The following XRCC5 variants were observed in gnomAD, a reference collection of about 807,000 sequenced individuals.
XRCC5 encodes the protein X-ray repair cross complementing 5.
Under a neutral mutation model 95.7 loss-of-function variants are expected in XRCC5, and 12 were observed. That is an observed-to-expected ratio of 0.13 (90% CI 0.08 to 0.20). The LOEUF is 0.20. XRCC5 is among the 10% of genes least tolerant of loss of function. The pLI is 1.00. For missense variants in XRCC5, 595 were observed against 873.9 expected (o/e 0.68, Z 4.02); for synonymous variants, 281 against 290.3 (o/e 0.97, Z 0.33).
At position 216,127,547 on chromosome 2, in the gene XRCC5, G is replaced by C. The variant is rs750449464; in HGVS notation, c.810G>C (p.Glu270Asp). Residue 270 changes from glutamate to aspartate, a missense_variant, in exon 8 of 21, where the codon GAG (glutamate) becomes GAC (aspartate). Coordinates refer to ENST00000392132, the MANE Select transcript of XRCC5 (RefSeq NM_021141.4). ...RIAAYKSILQ[E>D]RVKKTWTVVD... ...TTTTGGAATGTAAGATTCTACAGGA[G>C]AGAGTTAAAAAGACTTGGACAGTTG... 1 of 1,598,984 alleles carries C rather than the reference G, an allele frequency of 6.3e-7. No homozygotes were observed. The highest frequency in any genetic ancestry group is 1.8e-5 in the Admixed American group (1 of 55,346).
intron 6 of XRCC5, among the ~76,000 whole-genome samples, chr2:216,123,554 C>G (rs1371963377): frequency 6.6e-6 from 1 of 152,164 alleles, no homozygotes; most frequent in African/African-American, 2.4e-5. Flanking sequence ...GCTTGTAATT[C>G]CAGCACTTTG....
intron 16 of XRCC5, among the ~76,000 whole-genome samples, chr2:216,177,496 G>A (rs1233488792): frequency 6.6e-6 from 1 of 152,208 alleles, no homozygotes; most frequent in East Asian, 1.9e-4. Flanking sequence ...CTGCAAGACT[G>A]TATGTGTTTC....
chr2:216,165,093 G>A (rs1188641518), intron 16 of XRCC5, among the ~76,000 whole-genome samples: 1 of 152,198 alleles, frequency 6.6e-6, no homozygotes, highest in Admixed American at 6.5e-5. Flanking sequence ...TGGAGGAGAT[G>A]CATTTTCCCA....
chr2:216,109,480 G>A (rs529163564), intron 1 of XRCC5, 23 bp downstream of exon 1: 1 of 1,613,628 alleles, frequency 6.2e-7, no homozygotes, highest in African/African-American at 1.3e-5. Context: ...CCATGGACTT[G>A]GGCTTTACCC....
At chr2:216,158,106 A>G (rs1264829551) in intron 14 of XRCC5, among the ~76,000 whole-genome samples, 1 of 152,126 alleles carries the variant, frequency 6.6e-6, no homozygotes, top group Non-Finnish European at 1.5e-5. Flanking sequence ...CTAGAACCTC[A>G]TTTTGGAGGG....
intron 16 of XRCC5, among the ~76,000 whole-genome samples, chr2:216,162,541 A>C (rs759418011): frequency 2.6e-5 from 4 of 151,916 alleles, no homozygotes; most frequent in Non-Finnish European, 5.9e-5. Flanking sequence ...AGCTGGGATT[A>C]CAGGCGTGCA....
intron 17 of XRCC5, among the ~76,000 whole-genome samples, chr2:216,191,645 A>G (rs915739173): frequency 9.2e-5 from 14 of 152,184 alleles, no homozygotes; most frequent in Admixed American, 8.5e-4. Context: ...TCCTGACCAC[A>G]GGTTATTCGC....
rs781159930 is a variant in XRCC5 at position 216,190,353 on chromosome 2, CTCTTT to C, written c.1944+24_1944+28del. The C allele has an allele frequency of 2.5e-6, 4 of 1,599,032 alleles. No individual in the cohort carries two copies. Among genetic ancestry groups the C allele is most frequent in the South Asian group, 1.1e-5 (1 of 90,512 alleles). On this transcript the variant is annotated intron_variant, in intron 17 of 20. Coordinates refer to ENST00000392132, the MANE Select transcript of XRCC5 (RefSeq NM_021141.4). ...CATTAAGGTAATGCTATCCTAGCAT[CTCTTT>C]TCTTCCTAAACAGTTGGCGACTATC...
At chr2:216,134,736 C>T (rs1209233262) in intron 10 of XRCC5, among the ~76,000 whole-genome samples, 1 of 151,766 alleles carries the variant, frequency 6.6e-6, no homozygotes, top group Non-Finnish European at 1.5e-5. Context: ...GTGCCCAGCC[C>T]CTTCCTTCTT....
At chr2:216,188,599 T>C (rs189959599) in intron 16 of XRCC5, among the ~76,000 whole-genome samples, 16 of 152,354 alleles carry the variant, frequency 1.1e-4, no homozygotes, top group Admixed American at 6.5e-4. Flanking sequence ...TGCCCAAATA[T>C]GTAACCTCGA....
chr2:216,204,009 G>A, intron 19 of XRCC5: 1 of 293,324 alleles, frequency 3.4e-6, no homozygotes, highest in South Asian at 5.2e-5. Flanking sequence ...AGCAGAACTG[G>A]AAACAGCAGA....
At chr2:216,192,407 C>T (rs895398465) in intron 17 of XRCC5, among the ~76,000 whole-genome samples, 10 of 152,114 alleles carry the variant, frequency 6.6e-5, no homozygotes, top group Admixed American at 5.2e-4. Context: ...GCTAGGCCAC[C>T]GCAGAAAAAC....
intron 16 of XRCC5, among the ~76,000 whole-genome samples, chr2:216,180,579 A>T (rs943219395): frequency 6.6e-6 from 1 of 151,806 alleles, no homozygotes; most frequent in Non-Finnish European, 1.5e-5. Context: ...GTGAGCTGTG[A>T]TCATGCCAGT....
At position 216,205,368 on chromosome 2, in the gene XRCC5, A is replaced by C; in HGVS notation, c.*166A>C. The C allele has an allele frequency of 2.7e-6, 2 of 733,600 alleles. No individual in the cohort carries two copies. Among genetic ancestry groups the C allele is most frequent in the Non-Finnish European group, 4.8e-6 (2 of 414,456 alleles). 45.4% of individuals were successfully genotyped at this position (733,600 alleles called of 1,614,324 possible). ...AATTCTCTGTGGAATGAATACACAC[A>C]TATATATTACAAGGGATAATTTAGA... On this transcript the variant is annotated 3_prime_UTR_variant, in exon 21 of 21. Transcript: ENST00000392132.
At chr2:216,173,460 C>T (rs981037110) in intron 16 of XRCC5, among the ~76,000 whole-genome samples, 1 of 152,152 alleles carries the variant, frequency 6.6e-6, no homozygotes, top group African/African-American at 2.4e-5. Context: ...GCATTTTCTG[C>T]CTCTATTGAG....
At chr2:216,196,123 C>T (rs932852120) in intron 19 of XRCC5, among the ~76,000 whole-genome samples, 5 of 151,630 alleles carry the variant, frequency 3.3e-5, no homozygotes, top group African/African-American at 1.2e-4. Context: ...CAATTTTCAA[C>T]TCAAGAAAGG....
chr2:216,176,736 C>G (rs528104606), intron 16 of XRCC5, among the ~76,000 whole-genome samples: 3 of 150,772 alleles, frequency 2.0e-5, no homozygotes, highest in East Asian at 3.9e-4. Context: ...TATTCCATTC[C>G]TTCTTCTTAC....
intron 16 of XRCC5, among the ~76,000 whole-genome samples, chr2:216,185,314 C>T (rs528506363): frequency 2.0e-5 from 3 of 152,216 alleles, no homozygotes; most frequent in African/African-American, 7.2e-5. Context: ...ATACACACAC[C>T]GCCTCTACCC....
chr2:216,168,987 A>C (rs1689103053), intron 16 of XRCC5, among the ~76,000 whole-genome samples: 1 of 152,242 alleles, frequency 6.6e-6, no homozygotes, highest in Non-Finnish European at 1.5e-5. Context: ...TACACTTTTT[A>C]AAACAACATT....
Sources: allele counts gnomAD v4.1 joint callset (sites outside exome capture counted in the v4.1 genomes callset), GRCh38; gene constraint gnomAD v4.1.1; transcripts MANE v1.5; gene names NCBI Gene and HGNC (gene_info 2026-07-23, HGNC 2026-07-21).